The following OCA2 variants were observed in gnomAD, a reference collection of about 807,000 sequenced individuals.
The protein encoded by OCA2 is P protein.
Under a neutral mutation model 100.2 loss-of-function variants are expected in OCA2, and 77 were observed. That is an observed-to-expected ratio of 0.77 (90% CI 0.64 to 0.93). OCA2 has a LOEUF of 0.93. Among genes scored for constraint, OCA2 ranks in the 40% least tolerant of loss-of-function variants. The probability of loss-of-function intolerance (pLI) is 0.00; values close to 1 mark genes in which losing one functional copy is unlikely to be tolerated. For missense variants in OCA2, 1,062 were observed against 1,089.1 expected (o/e 0.98, Z 0.35); for synonymous variants, 432 against 439.2 (o/e 0.98, Z 0.21).
chr15:28,057,376 G>A (rs1163014084), intron 2 of OCA2, among the ~76,000 whole-genome samples: 2 of 151,916 alleles, frequency 1.3e-5, no homozygotes, highest in African/African-American at 2.4e-5. Context: ...ATGTTGCCAC[G>A]GCCCTCAACA....
chr15:27,991,559 TG>T (rs1469903007), intron 9 of OCA2, among the ~76,000 whole-genome samples: 1 of 152,096 alleles, frequency 6.6e-6, no homozygotes, highest in Non-Finnish European at 1.5e-5. Context: ...TGCCCAAGGC[TG>T]GGGAAAGCAA....
chr15:28,018,369 T>C (rs1192833159), intron 7 of OCA2, 28 bp downstream of exon 7: 1 of 1,609,104 alleles, frequency 6.2e-7, no homozygotes, highest in Admixed American at 1.7e-5. Context: ...GATTTCACAA[T>C]TCCTTTCAAA....
At chr15:28,024,570 C>A (rs1247745128) in intron 5 of OCA2, among the ~76,000 whole-genome samples, 1 of 152,194 alleles carries the variant, frequency 6.6e-6, no homozygotes, top group Non-Finnish European at 1.5e-5. Context: ...GGAAGGGAGC[C>A]CCACAGCCAG....
chr15:27,907,396 T>C (rs1584408), intron 19 of OCA2, among the ~76,000 whole-genome samples: 6,848 of 151,716 alleles, frequency 0.045, 543 homozygotes, highest in African/African-American at 0.16. Flanking sequence ...CAGAGGAAAA[T>C]CATTGCACAA....
intron 7 of OCA2, 54 bp from the exon 8 acceptor site, chr15:28,016,240 T>C (rs1180953181): frequency 1.2e-5 from 17 of 1,382,720 alleles, no homozygotes; most frequent in Non-Finnish European, 1.8e-5. Flanking sequence ...AGACACCATC[T>C]GGGATCTGGC....
At chr15:27,901,250 T>C (rs1365249842) in intron 19 of OCA2, among the ~76,000 whole-genome samples, 9 of 152,222 alleles carry the variant, frequency 5.9e-5, no homozygotes, top group Admixed American at 3.9e-4. Context: ...TGGAGGACTG[T>C]CTGGGGCTAT....
intron 23 of OCA2, among the ~76,000 whole-genome samples, chr15:27,810,470 C>T (rs1846327): frequency 0.7 from 106,677 of 152,070 alleles, 38,281 homozygotes; most frequent in East Asian, 1. Context: ...GACTAAGACC[C>T]CAAAAGCAAA....
chr15:27,927,490 C>T (rs1033921667), intron 18 of OCA2, among the ~76,000 whole-genome samples: 2 of 152,196 alleles, frequency 1.3e-5, no homozygotes, highest in African/African-American at 4.8e-5. Context: ...TGTATGTACA[C>T]ATGCTTTCAG....
At chr15:27,857,450 T>G (rs1015533715) in intron 21 of OCA2, among the ~76,000 whole-genome samples, 1 of 152,130 alleles carries the variant, frequency 6.6e-6, no homozygotes, top group African/African-American at 2.4e-5. Flanking sequence ...GGGTTTTAGT[T>G]TTGCAAGGAA....
intron 17 of OCA2, among the ~76,000 whole-genome samples, chr15:27,954,152 CA>C (rs779983419): frequency 0.045 from 2,422 of 54,414 alleles, 37 homozygotes; most frequent in Non-Finnish European, 0.13. Flanking sequence ...CACACACACA[CA>C]CACACACCTA....
At chr15:27,961,882 G>A (rs1455628396) in intron 15 of OCA2, among the ~76,000 whole-genome samples, 1 of 151,870 alleles carries the variant, frequency 6.6e-6, no homozygotes, top group Non-Finnish European at 1.5e-5. Context: ...AACCACCATG[G>A]CATGTGTATA....
At chr15:27,824,542 AC>A (rs1226854390) in intron 23 of OCA2, among the ~76,000 whole-genome samples, 2 of 145,172 alleles carry the variant, frequency 1.4e-5, no homozygotes, top group African/African-American at 2.6e-5. Context: ...GTGAAATTAA[AC>A]TGGCAAAACC....
At chr15:27,820,844 T>C (rs1050233892) in intron 23 of OCA2, among the ~76,000 whole-genome samples, 6 of 152,220 alleles carry the variant, frequency 3.9e-5, no homozygotes, top group African/African-American at 1.2e-4. Flanking sequence ...GGTTACAGAC[T>C]GTAAGTGGCA....
At chr15:27,944,567 G>A (rs543494914) in intron 18 of OCA2, among the ~76,000 whole-genome samples, 4 of 152,246 alleles carry the variant, frequency 2.6e-5, no homozygotes, top group Non-Finnish European at 4.4e-5. Context: ...TTTGAGATAC[G>A]TTTTCAGGGT....
chr15:27,959,185 T>C (rs1053998838), intron 15 of OCA2, among the ~76,000 whole-genome samples: 2 of 152,226 alleles, frequency 1.3e-5, no homozygotes, highest in African/African-American at 4.8e-5. Flanking sequence ...TGAAAACCTT[T>C]AGAACTAAGA....
At chr15:27,765,348 T>TAAAC (rs1330126115) in intron 23 of OCA2, among the ~76,000 whole-genome samples, 2 of 152,150 alleles carry the variant, frequency 1.3e-5, no homozygotes, top group Admixed American at 6.5e-5. Flanking sequence ...CGTTTAGGAT[T>TAAAC]AAACAAGTTT....
intron 21 of OCA2, among the ~76,000 whole-genome samples, chr15:27,862,173 G>A (rs937891025): frequency 6.7e-6 from 1 of 149,340 alleles, no homozygotes; most frequent in African/African-American, 2.5e-5. Flanking sequence ...CGTCAGCCTC[G>A]AGTCCTCATG....
At chr15:27,984,933 G>A (rs1464925249) in intron 13 of OCA2, 131 bp downstream of exon 13, 1 of 1,043,398 alleles carries the variant, frequency 9.6e-7, no homozygotes, top group African/African-American at 1.6e-5. Context: ...CTGGAATGCA[G>A]TGAGCTGTGG....
intron 23 of OCA2, among the ~76,000 whole-genome samples, chr15:27,771,949 T>C (rs1161014958): frequency 1.3e-5 from 2 of 152,226 alleles, no homozygotes; most frequent in Non-Finnish European, 2.9e-5. Context: ...TCTCCTGTGT[T>C]ACTTTGTGCG....
Sources: gnomAD v4.1 joint callset for allele counts (sites outside exome capture counted in the v4.1 genomes callset) on GRCh38, gnomAD v4.1.1 for gene constraint, MANE v1.5 for transcripts, NCBI Gene and HGNC (gene_info 2026-07-23, HGNC 2026-07-21) for gene names.